Variants in FBXL7 observed in about 807,000 individuals in gnomAD.
FBXL7 encodes the protein F-box/LRR-repeat protein 7.
Under a neutral mutation model 38.3 loss-of-function variants are expected in FBXL7, and 12 were observed. The observed-to-expected ratio is 0.31, with a 90% CI of 0.20 to 0.51. The LOEUF (loss-of-function observed/expected upper bound fraction) is 0.51, where lower values mean the gene tolerates loss of function less well. Ranked by LOEUF, FBXL7 falls within the 20% of genes least tolerant of loss-of-function variation. The pLI is 0.98. For synonymous variants in FBXL7, 297 were observed against 300.9 expected (o/e 0.99, Z 0.13); for missense variants, 567 against 676.4 (o/e 0.84, Z 1.79).
intron 2 of FBXL7, among the ~76,000 whole-genome samples, chr5:15,829,010 G>A (rs1308700170): frequency 4.6e-5 from 7 of 152,184 alleles, no homozygotes; most frequent in African/African-American, 1.2e-4. Context: ...AAAAAGATCA[G>A]TGTTAGTAAC....
In FBXL7 at chr5:15,571,075, G is replaced by A. The variant is rs1046158237; in HGVS notation, c.38-44908G>A. On this transcript the variant is annotated intron_variant, in intron 1 of 3. Transcript: ENST00000504595. Reference sequence around the variant, plus strand: ...CCATTGCACTCCAGCCTGGGCAACAGAGCAAGATTCTGTCTTTAAAAAAAA... The same window carrying A: ...CCATTGCACTCCAGCCTGGGCAACAAAGCAAGATTCTGTCTTTAAAAAAAA... Among the ~76,000 whole-genome samples, 25 of 138,258 alleles carry A rather than the reference G, an allele frequency of 1.8e-4. No homozygotes were observed. In the Middle Eastern group the frequency reaches 0.013, roughly 69 times the overall value. 90.7% of individuals were successfully genotyped at this position (138,258 alleles called of 152,430 possible). A position where few individuals can be genotyped will look rare whatever the true frequency, so the allele number is the denominator to read the frequency against.
intron 2 of FBXL7, among the ~76,000 whole-genome samples, chr5:15,855,182 T>TATA (rs1739219768): frequency 6.6e-6 from 1 of 152,194 alleles, no homozygotes; most frequent in Non-Finnish European, 1.5e-5. Flanking sequence ...TGTATAACTC[T>TATA]ACATATTTTA....
At chr5:15,779,978 G>T (rs189832181) in intron 2 of FBXL7, among the ~76,000 whole-genome samples, 1 of 152,222 alleles carries the variant, frequency 6.6e-6, no homozygotes, top group Non-Finnish European at 1.5e-5. Flanking sequence ...TCCGACTTGT[G>T]TTTGTCAAAA....
chr5:15,598,966 C>T (rs1387685768), intron 1 of FBXL7, among the ~76,000 whole-genome samples: 2 of 152,154 alleles, frequency 1.3e-5, no homozygotes, highest in Non-Finnish European at 2.9e-5. Flanking sequence ...TCTCGTAGCT[C>T]CTCCTTCCTA....
chr5:15,535,220 GA>G (rs1230147666), intron 1 of FBXL7, among the ~76,000 whole-genome samples: 1 of 152,044 alleles, frequency 6.6e-6, no homozygotes, highest in Non-Finnish European at 1.5e-5. Flanking sequence ...TTATAGCAGT[GA>G]AAAAAAGCGA....
At chr5:15,633,780 T>A (rs1244686001) in intron 2 of FBXL7, among the ~76,000 whole-genome samples, 4 of 132,400 alleles carry the variant, frequency 3.0e-5, no homozygotes, top group South Asian at 2.3e-4. Context: ...TATTATTATT[T>A]TATTATTTTA....
chr5:15,533,052 G>GCACCCCAAA (rs1737475262), intron 1 of FBXL7, among the ~76,000 whole-genome samples: 1 of 152,160 alleles, frequency 6.6e-6, no homozygotes. Context: ...TGTTGAGTTT[G>GCACCCCAAA]GGGTGACTGT....
intron 2 of FBXL7, among the ~76,000 whole-genome samples, chr5:15,897,375 A>T (rs1741129038): frequency 6.6e-6 from 1 of 152,210 alleles, no homozygotes; most frequent in East Asian, 1.9e-4. Context: ...GCACTTCTGT[A>T]GATGTTGGAA....
intron 2 of FBXL7, among the ~76,000 whole-genome samples, chr5:15,852,875 G>T (rs892983020): frequency 1.3e-5 from 2 of 152,170 alleles, no homozygotes; most frequent in African/African-American, 4.8e-5. Flanking sequence ...CACTCTGTGA[G>T]GGGCAATGGT....
intron 1 of FBXL7, among the ~76,000 whole-genome samples, chr5:15,586,265 C>T: frequency 9.0e-6 from 1 of 111,312 alleles, no homozygotes; most frequent in South Asian, 4.1e-4. Flanking sequence ...CCTCCCCTCC[C>T]CTCCCCCCTC....
intron 2 of FBXL7, among the ~76,000 whole-genome samples, chr5:15,899,719 A>C (rs977371571): frequency 1.3e-5 from 2 of 152,192 alleles, no homozygotes; most frequent in Admixed American, 6.6e-5. Flanking sequence ...ATCTGAAACA[A>C]AAAGACCCAT....
intron 2 of FBXL7, among the ~76,000 whole-genome samples, chr5:15,791,409 C>T (rs550302680): frequency 7.4e-4 from 113 of 152,222 alleles, no homozygotes; most frequent in African/African-American, 2.4e-3. Context: ...GTCCACTGTA[C>T]GGCAGCTACA....
chr5:15,866,321 T>C (rs1739707708), intron 2 of FBXL7, among the ~76,000 whole-genome samples: 1 of 152,200 alleles, frequency 6.6e-6, no homozygotes, highest in Non-Finnish European at 1.5e-5. Flanking sequence ...TTCCTAACCA[T>C]TGCTAGAATT....
At chr5:15,557,130 G>T (rs1455159691) in intron 1 of FBXL7, among the ~76,000 whole-genome samples, 2 of 152,156 alleles carry the variant, frequency 1.3e-5, no homozygotes, top group Non-Finnish European at 2.9e-5. Flanking sequence ...AGTAGAGACG[G>T]GGTTTCACCA....
intron 2 of FBXL7, among the ~76,000 whole-genome samples, chr5:15,633,151 A>G (rs548738295): frequency 6.6e-6 from 1 of 152,310 alleles, no homozygotes; most frequent in Admixed American, 6.5e-5. Context: ...TGAGAAGGAC[A>G]TATTTCATGA....
At chr5:15,652,373 T>C (rs546248479) in intron 2 of FBXL7, among the ~76,000 whole-genome samples, 148 of 152,228 alleles carry the variant, frequency 9.7e-4, no homozygotes, top group Non-Finnish European at 1.7e-3. Flanking sequence ...TTCACGCCAT[T>C]CTCCTGCCTC....
At chr5:15,567,925 C>T (rs1338521768) in intron 1 of FBXL7, among the ~76,000 whole-genome samples, 2 of 152,120 alleles carry the variant, frequency 1.3e-5, no homozygotes, top group Non-Finnish European at 2.9e-5. Flanking sequence ...AAGACATATA[C>T]TCATCATTTT....
At chr5:15,813,241 G>C (rs549531984) in intron 2 of FBXL7, among the ~76,000 whole-genome samples, 8 of 152,080 alleles carry the variant, frequency 5.3e-5, no homozygotes, top group African/African-American at 1.9e-4. Flanking sequence ...CAGACTGATG[G>C]AACAGAACAG....
chr5:15,564,313 C>A (rs146993584), intron 1 of FBXL7, among the ~76,000 whole-genome samples: 51 of 151,508 alleles, frequency 3.4e-4, no homozygotes, highest in Non-Finnish European at 6.0e-4. Flanking sequence ...CATTTTGTTT[C>A]CAGCTTTTAA....
Sources: gnomAD v4.1 joint callset for allele counts (sites outside exome capture counted in the v4.1 genomes callset) on GRCh38, gnomAD v4.1.1 for gene constraint, MANE v1.5 for transcripts, NCBI Gene and HGNC (gene_info 2026-07-23, HGNC 2026-07-21) for gene names.